The following CELSR1 variants were observed in gnomAD, a reference collection of about 807,000 sequenced individuals.
CELSR1 encodes the protein cadherin EGF LAG seven-pass G-type receptor 1, also known as adhesion G protein-coupled receptor C1.
Under a neutral mutation model 249.1 loss-of-function variants are expected in CELSR1, and 110 were observed. The ratio of observed to expected loss-of-function variants is 0.44; its 90% confidence interval spans 0.38 to 0.52. CELSR1 has a LOEUF of 0.52. Ranked by LOEUF, CELSR1 falls within the 20% of genes least tolerant of loss-of-function variation. The probability of loss-of-function intolerance (pLI) is 0.00; values close to 1 mark genes in which losing one functional copy is unlikely to be tolerated. For missense variants in CELSR1, 4,109 were observed against 4,296.4 expected (o/e 0.96, Z 1.22); for synonymous variants, 2,113 against 1,900.0 (o/e 1.11, Z -2.92).
intron 14 of CELSR1, 89 bp downstream of exon 14, chr22:46,394,053 G>C: frequency 6.6e-7 from 1 of 1,507,146 alleles, no homozygotes; most frequent in Non-Finnish European, 9.0e-7. Flanking sequence ...GTACCGACAG[G>C]GTATGTGAAG....
In CELSR1 at chr22:46,534,966, G is replaced by A; in HGVS notation, c.2205C>T (p.Leu735=). Residue 735 remains leucine, a synonymous_variant, in exon 1 of 35, where the codon CTC becomes CTT. Transcript: ENST00000674500. This position sits in a 1 kb window ranked among gnomAD's most constrained non-coding sequence, Gnocchi z 9.7. ...TGAGGCCGCCCCCTCTCTGGCTGCT[G>A]AGTGCAAAGCGGTTCCGGGTGTTGC... ...TGGNTRNRFA[L]SSQRGGGLIT... The A allele has an allele frequency of 6.2e-7, 1 of 1,612,404 alleles. No individual in the cohort carries two copies. The highest frequency in any genetic ancestry group is 8.5e-7 in the Non-Finnish European group (1 of 1,179,848).
intron 2 of CELSR1, among the ~76,000 whole-genome samples, chr22:46,451,298 G>GC (rs2079881586): frequency 6.6e-6 from 1 of 152,222 alleles, no homozygotes; most frequent in Non-Finnish European, 1.5e-5. Flanking sequence ...GGCCAGGGGA[G>GC]CCCGGCACTG....
chr22:46,409,011 G>C lies in CELSR1; in HGVS notation c.5211C>G (p.Thr1737=). ...VLMEATSGGP[T]SFRLQILNNY... is the part of the protein sequence containing the mutation. ...CCCCAGTCACCTGGAGGCGAAAGCTGGTGGGCCCACCACTGGTGGCCTCCA... is the reference window on the plus strand; with the variant it reads ...CCCCAGTCACCTGGAGGCGAAAGCTCGTGGGCCCACCACTGGTGGCCTCCA... The change falls in exon 9 of 35, where the codon ACC becomes ACG. Residue 1737 remains threonine, a synonymous_variant. Coordinates refer to ENST00000674500, the MANE Select transcript of CELSR1 (RefSeq NM_001378328.1). This position sits in a 1 kb window ranked among gnomAD's most constrained non-coding sequence, Gnocchi z 9.8. 2 of 1,609,032 alleles carry C rather than the reference G, an allele frequency of 1.2e-6. No homozygotes were observed. The highest frequency in any genetic ancestry group is 8.5e-7 in the Non-Finnish European group (1 of 1,178,252).
intron 2 of CELSR1, among the ~76,000 whole-genome samples, chr22:46,457,975 G>A (rs2079976517): frequency 6.6e-6 from 1 of 152,244 alleles, no homozygotes. Flanking sequence ...TGTCTCATTT[G>A]CACACGGTGC....
At chr22:46,389,135 A>C (rs1346167944) in intron 18 of CELSR1, among the ~76,000 whole-genome samples, 155 bp downstream of exon 18, 1 of 152,178 alleles carries the variant, frequency 6.6e-6, no homozygotes, top group Non-Finnish European at 1.5e-5. Flanking sequence ...CAGGCACTGC[A>C]CCCGCCAGGG....
chr22:46,460,664 T>C (rs2080015333), intron 2 of CELSR1, among the ~76,000 whole-genome samples: 1 of 152,178 alleles, frequency 6.6e-6, no homozygotes, highest in African/African-American at 2.4e-5. Context: ...GCGGAGAAAC[T>C]GGGAGGCCAT....
chr22:46,410,616 C>A lies in CELSR1; in HGVS notation c.4770-55G>T. 5 of 1,584,414 alleles carry A rather than the reference C, an allele frequency of 3.2e-6. No homozygotes were observed. The highest frequency in any genetic ancestry group is 4.3e-6 in the Non-Finnish European group (5 of 1,157,394). On this transcript the variant is annotated intron_variant, in intron 6 of 34. Transcript: ENST00000674500. This position sits in a 1 kb window ranked among gnomAD's most constrained non-coding sequence, Gnocchi z 6.8. ...TCAGGGCGGGGAGAGGCGGCCACGG[C>A]GGGCTGGGCTCCGCAGTTGCCTCTG...
chr22:46,444,791 G>A lies in CELSR1; in HGVS notation c.4184-5380C>T, dbSNP rs571449484. On this transcript the variant is annotated intron_variant, in intron 2 of 34. Transcript: ENST00000674500. Reference sequence around the variant, plus strand: ...CCCAGCTCCCTCTGGAGGCTCCAGGGTGGATCTCTCCTGCCTCTACCAGCT... The same window carrying A: ...CCCAGCTCCCTCTGGAGGCTCCAGGATGGATCTCTCCTGCCTCTACCAGCT... 2.8e-3 allele frequency among the ~76,000 whole-genome samples: 419 copies of A among 152,270 alleles called. 4 individuals carry two copies. Among genetic ancestry groups the A allele is most frequent in the African/African-American group, 9.7e-3 (405 of 41,552 alleles).
At position 46,410,868 on chromosome 22, in the gene CELSR1, G is replaced by A. The variant is rs759828468; in HGVS notation, c.4770-307C>T. On this transcript the variant is annotated intron_variant, in intron 6 of 34. Coordinates refer to ENST00000674500, the MANE Select transcript of CELSR1 (RefSeq NM_001378328.1). The surrounding 1 kb of genome is among the most constrained non-coding windows in gnomAD (Gnocchi z 6.8). ...TGTGAGCGCAGGGAGCACAGGTCAA[G>A]GCCAGCAGGGACTATACTTTACCCT... 6.6e-6 allele frequency among the ~76,000 whole-genome samples: 1 copy of A among 151,924 alleles called. No individual in the cohort carries two copies. Among genetic ancestry groups the A allele is most frequent in the Non-Finnish European group, 1.5e-5 (1 of 68,006 alleles).
chr22:46,363,742 T>G lies in CELSR1; in HGVS notation c.9035+254A>C, dbSNP rs79019805. 18 of 541,290 alleles carry G rather than the reference T, an allele frequency of 3.3e-5. No individual in the cohort carries two copies. The Admixed American group carries it at 6.2e-4, about 19-fold the overall frequency. The allele number at this position is 541,290 out of a possible 1,614,324, so 33.5% of individuals were successfully genotyped here. Reference sequence around the variant, plus strand: ...CCCAGCACCTTAGGTCCTAGCATTTTGGGGCTGGCCAGGGCTTCAGAGTCC... The same window carrying G: ...CCCAGCACCTTAGGTCCTAGCATTTGGGGGCTGGCCAGGGCTTCAGAGTCC... On this transcript the variant is annotated intron_variant, in intron 34 of 34. Coordinates refer to ENST00000674500, the MANE Select transcript of CELSR1 (RefSeq NM_001378328.1). This position sits in a 1 kb window ranked among gnomAD's most constrained non-coding sequence, Gnocchi z 4.3.
At chr22:46,505,261 CAAAAA>C (rs3081585) in intron 1 of CELSR1, among the ~76,000 whole-genome samples, 2 of 62,556 alleles carry the variant, frequency 3.2e-5, no homozygotes, top group East Asian at 1.4e-3. Flanking sequence ...GACTCTGTCT[CAAAAA>C]AAAAAAAAAA....
chr22:46,529,867 T>C (rs902732198), intron 1 of CELSR1, among the ~76,000 whole-genome samples: 2 of 152,062 alleles, frequency 1.3e-5, no homozygotes, highest in African/African-American at 4.8e-5. Flanking sequence ...AATAATAATT[T>C]AATTGTACAT....
chr22:46,463,551 A>G (rs2080057338), intron 2 of CELSR1, among the ~76,000 whole-genome samples, 156 bp downstream of exon 2: 1 of 149,828 alleles, frequency 6.7e-6, no homozygotes, highest in African/African-American at 2.5e-5. Context: ...ACCGTTACTG[A>G]GATCATCTCA....
Position 46,367,764 on chromosome 22 carries a change from A to G in CELSR1, c.8044T>C (p.Phe2682Leu), listed in dbSNP as rs1179393159. 2.5e-6 allele frequency: 4 copies of G among 1,608,960 alleles called. No individual in the cohort carries two copies. Among genetic ancestry groups the G allele is most frequent in the South Asian group, 2.2e-5 (2 of 89,790 alleles). ...LLAVNRDALS[F>L]HYLFAIFSGL... ...CTGAAGATGGCGAAGAGGTAGTGAA[A>G]GCTCAGTGCATCGCGGTTCACAGCC... Residue 2682 changes from phenylalanine to leucine, a missense_variant, in exon 28 of 35, where the codon TTT becomes CTT. Around this residue, in one of 7 missense-constraint regions of CELSR1, gnomAD observed 1,805 missense variants for 1,831.6 expected, o/e 0.99. Coordinates refer to ENST00000674500, the MANE Select transcript of CELSR1 (RefSeq NM_001378328.1).
chr22:46,469,272 A>G (rs2080129103), intron 1 of CELSR1, among the ~76,000 whole-genome samples: 1 of 152,042 alleles, frequency 6.6e-6, no homozygotes, highest in Non-Finnish European at 1.5e-5. Flanking sequence ...AGCATAAAAT[A>G]CACACCCCTC....
Position 46,518,154 on chromosome 22 carries a change from TC to T in CELSR1, c.3544+15472del, listed in dbSNP as rs1234930534. On this transcript the variant is annotated intron_variant, in intron 1 of 34. Transcript: ENST00000674500. The surrounding 1 kb of genome is among the most constrained non-coding windows in gnomAD (Gnocchi z 5.2). The stretch of plus-strand genomic sequence containing the variant: ...TCGTGACCTCAGGTGATGTGATCCA[TC>T]CATCTCGACCTCCCAAAGTGCTGTG... Among the ~76,000 whole-genome samples the T allele has an allele frequency of 6.6e-6, 1 of 152,122 alleles. No homozygotes were observed. Among genetic ancestry groups the T allele is most frequent in the Non-Finnish European group, 1.5e-5 (1 of 68,006 alleles).
chr22:46,463,328 C>T (rs1362302318), intron 2 of CELSR1, among the ~76,000 whole-genome samples: 3 of 152,144 alleles, frequency 2.0e-5, no homozygotes, highest in African/African-American at 7.2e-5. Context: ...CCAGCCTGAC[C>T]AACATGGCGA....
Position 46,436,159 on chromosome 22 carries a change from G to GGGAGAAGGCCCCACCAGC in CELSR1, c.4522+14_4522+15insGCTGGTGGGGCCTTCTCC. Reference sequence around the variant, plus strand: ...GAATTGCTCAGAGCTGCCCTTCCTGGGGAGAAGGCCCCACCTGCAGAGAAG... The same window carrying GGGAGAAGGCCCCACCAGC: ...GAATTGCTCAGAGCTGCCCTTCCTGGGGAGAAGGCCCCACCAGCGGAGAAGGCCCCACCTGCAGAGAAG... On this transcript the variant is annotated intron_variant, in intron 4 of 34. Coordinates refer to ENST00000674500, the MANE Select transcript of CELSR1 (RefSeq NM_001378328.1). This position sits in a 1 kb window ranked among gnomAD's most constrained non-coding sequence, Gnocchi z 5.9. 6.3e-7 allele frequency: 1 copy of GGGAGAAGGCCCCACCAGC among 1,593,116 alleles called. No individual in the cohort carries two copies.
At chr22:46,503,032 G>A (rs5768851) in intron 1 of CELSR1, among the ~76,000 whole-genome samples, 1 of 152,016 alleles carries the variant, frequency 6.6e-6, no homozygotes, top group Non-Finnish European at 1.5e-5. Context: ...CTCCAGGACA[G>A]CCCCCCTTCT....
Sources: allele counts gnomAD v4.1 joint callset (sites outside exome capture counted in the v4.1 genomes callset), GRCh38; gene constraint gnomAD v4.1.1; regional missense constraint gnomAD v4.1.1; non-coding constraint Gnocchi (gnomAD v3.1); transcripts MANE v1.5; gene names NCBI Gene and HGNC (gene_info 2026-07-23, HGNC 2026-07-21).